Variants in CRISP1 observed in about 807,000 individuals in gnomAD.
The protein encoded by CRISP1 is cysteine rich secretory protein 1.
In CRISP1, 44 loss-of-function variants were observed where a neutral mutation model predicts 33.1. The ratio of observed to expected loss-of-function variants is 1.33; its 90% CI spans 1.05 to 1.71. CRISP1 has a LOEUF of 1.71. Ranked by LOEUF, CRISP1 falls within the 40% of genes most tolerant of loss-of-function variation. The pLI, the probability that CRISP1 is intolerant of heterozygous loss-of-function variation, is 0.00. For synonymous variants in CRISP1, 103 were observed against 98.7 expected, an observed-to-expected ratio of 1.04 and a Z score of -0.26; for missense variants, 390 against 301.2, an observed-to-expected ratio of 1.29 and a Z score of -2.18.
intron 3 of CRISP1, among the ~76,000 whole-genome samples, chr6:49,850,922 C>A (rs1437417709): frequency 6.6e-6 from 1 of 152,092 alleles, no homozygotes; most frequent in African/African-American, 2.4e-5. Context: ...ATCTGGGCCC[C>A]AGTCCTTAAG....
chr6:49,858,449 A>G (rs1274530645), intron 1 of CRISP1, among the ~76,000 whole-genome samples: 1 of 152,208 alleles, frequency 6.6e-6, no homozygotes, highest in Non-Finnish European at 1.5e-5. Context: ...GTGCAGAATA[A>G]TACAGGGCAG....
chr6:49,859,920 A>G (rs1017916679), intron 1 of CRISP1, among the ~76,000 whole-genome samples: 3 of 152,124 alleles, frequency 2.0e-5, no homozygotes, highest in Non-Finnish European at 4.4e-5. Flanking sequence ...ATATCAAAAG[A>G]TACTTCATGC....
In CRISP1 at chr6:49,864,770, C is replaced by T. The variant is rs563789970; in HGVS notation, c.-3+1659G>A. Among the ~76,000 whole-genome samples, 17 of 152,034 alleles carry T rather than the reference C, an allele frequency of 1.1e-4. No individual in the cohort carries two copies. In the South Asian group the frequency reaches 1.2e-3, roughly 11 times the overall value. The stretch of plus-strand genomic sequence containing the variant: ...AATTAGGTTGGCTCTTTTTCTTATT[C>T]GCTTGTATGAATTCTTTACATGTTC... On this transcript the variant is annotated intron_variant, in intron 1 of 7. Coordinates refer to ENST00000335847, the MANE Select transcript of CRISP1 (RefSeq NM_001131.3).
chr6:49,839,299 A>G (rs1418343678), intron 6 of CRISP1, among the ~76,000 whole-genome samples: 1 of 144,014 alleles, frequency 6.9e-6, no homozygotes, highest in Non-Finnish European at 1.5e-5. Flanking sequence ...AAAAAAAAAA[A>G]AATTAGTTAG....
At chr6:49,861,610 A>C (rs1224738393) in intron 1 of CRISP1, among the ~76,000 whole-genome samples, 3 of 152,112 alleles carry the variant, frequency 2.0e-5, no homozygotes, top group Admixed American at 6.6e-5. Context: ...TCGGCCAGGC[A>C]CGGTAACTCA....
chr6:49,875,447 C>T (rs141393808), intron 1 of CRISP1, among the ~76,000 whole-genome samples: 2,106 of 152,076 alleles, frequency 0.014, 42 homozygotes, highest in African/African-American at 0.047. Flanking sequence ...TAGGAAGAAT[C>T]GATATTGTGA....
chr6:49,862,044 T>A (rs979865356), intron 1 of CRISP1, among the ~76,000 whole-genome samples: 1 of 152,128 alleles, frequency 6.6e-6, no homozygotes, highest in Non-Finnish European at 1.5e-5. Flanking sequence ...TGCTGGGAAG[T>A]TCTAGCCAGA....
chr6:49,853,386 C>A (rs906712906), intron 2 of CRISP1, among the ~76,000 whole-genome samples: 5 of 152,082 alleles, frequency 3.3e-5, no homozygotes, highest in Non-Finnish European at 5.9e-5. Flanking sequence ...TTTCCTGAAA[C>A]GAATTCATCT....
At chr6:49,851,950 A>G (rs761901702) in intron 3 of CRISP1, 51 bp downstream of exon 3, 23 of 1,560,650 alleles carry the variant, frequency 1.5e-5, no homozygotes, top group Non-Finnish European at 1.9e-5. Flanking sequence ...AAACTCAGTA[A>G]ACACCATTAC....
chr6:49,861,364 TC>T (rs1771647881), intron 1 of CRISP1, among the ~76,000 whole-genome samples: 1 of 151,822 alleles, frequency 6.6e-6, no homozygotes, highest in Admixed American at 6.6e-5. Flanking sequence ...ACAAACCAAA[TC>T]CAACAGCACA....
At chr6:49,850,015 G>T (rs528537912) in intron 3 of CRISP1, among the ~76,000 whole-genome samples, 10 of 147,460 alleles carry the variant, frequency 6.8e-5, no homozygotes, top group African/African-American at 2.5e-4. Context: ...ACCAAACACC[G>T]CATATTCTCA....
chr6:49,845,937 T>A (rs1363762565), intron 5 of CRISP1, among the ~76,000 whole-genome samples: 1 of 152,122 alleles, frequency 6.6e-6, no homozygotes, highest in Non-Finnish European at 1.5e-5. Context: ...GTAGTGAAAT[T>A]CACAGAGACA....
chr6:49,876,706 AAAG>A (rs1772043277), intron 1 of CRISP1, among the ~76,000 whole-genome samples: 3 of 152,124 alleles, frequency 2.0e-5, no homozygotes, highest in Non-Finnish European at 4.4e-5. Context: ...ATGTAGCCAT[AAAG>A]AAGAACACGA....
intron 3 of CRISP1, among the ~76,000 whole-genome samples, chr6:49,850,323 C>A (rs964406494): frequency 1.4e-4 from 22 of 151,976 alleles, no homozygotes; most frequent in African/African-American, 5.3e-4. Flanking sequence ...AGGATGTTTG[C>A]ACTTTGAAGA....
rs1299602197 is a variant in CRISP1 at position 49,846,544 on chromosome 6, G to A, written c.411C>T (p.Asp137=). 6.2e-7 allele frequency: 1 copy of A among 1,613,426 alleles called. No individual in the cohort carries two copies. Among genetic ancestry groups the A allele is most frequent in the African/African-American group, 1.3e-5 (1 of 74,978 alleles). Residue 137 remains aspartate (D), a synonymous_variant, in exon 5 of 8, where the codon GAC becomes GAT. Coordinates refer to ENST00000335847, the MANE Select transcript of CRISP1 (RefSeq NM_001131.3). ...KHGEWTTTDD[D]ITTDHYTQIV... Reference sequence around the variant, plus strand: ...CCTGAGTGTAGTGGTCAGTAGTTATGTCATCATCCGTTGTTGTCCATTCTC... The same window carrying A: ...CCTGAGTGTAGTGGTCAGTAGTTATATCATCATCCGTTGTTGTCCATTCTC...
At chr6:49,855,442 A>AT (rs61621803) in intron 2 of CRISP1, among the ~76,000 whole-genome samples, 6,979 of 145,834 alleles carry the variant, frequency 0.048, 453 homozygotes, top group African/African-American at 0.15. Flanking sequence ...CTTATCTCTG[A>AT]TTTTTTTTTT....
At chr6:49,855,880 AT>A (rs1771481596) in intron 2 of CRISP1, among the ~76,000 whole-genome samples, 1 of 152,168 alleles carries the variant, frequency 6.6e-6, no homozygotes, top group South Asian at 2.1e-4. Flanking sequence ...GGAACACATT[AT>A]TTACTTTAAC....
chr6:49,857,523 A>G, intron 1 of CRISP1, 121 bp from the exon 2 acceptor site: 1 of 838,296 alleles, frequency 1.2e-6, no homozygotes, highest in East Asian at 2.7e-5. Flanking sequence ...AACCTTTAGG[A>G]TCCGAACAAG....
At position 49,848,303 on chromosome 6, in the gene CRISP1, T is replaced by A; in HGVS notation, c.196-4A>T. On this transcript the variant is annotated splice_polypyrimidine_tract_variant and splice_region_variant and intron_variant, in intron 3 of 7. Transcript: ENST00000335847. Reference sequence around the variant, plus strand: ...GTGCAGCCTCTTCACTCCAACTCTGTAGTGGAAAGAAAAAAAAAGCACATG... The same window carrying A: ...GTGCAGCCTCTTCACTCCAACTCTGAAGTGGAAAGAAAAAAAAAGCACATG... 6.4e-7 allele frequency: 1 copy of A among 1,550,994 alleles called. No homozygotes were observed.
Sources: allele counts gnomAD v4.1 joint callset (sites outside exome capture counted in the v4.1 genomes callset), GRCh38; gene constraint gnomAD v4.1.1; transcripts MANE v1.5; gene names NCBI Gene and HGNC (gene_info 2026-07-23, HGNC 2026-07-21).